Variants in MORF4L1 observed in about 807,000 individuals in gnomAD.
The protein encoded by MORF4L1 is mortality factor 4-like protein 1.
A neutral mutation model predicts 52.9 loss-of-function variants in MORF4L1; 4 were observed. That is an observed-to-expected ratio of 0.08 (90% CI 0.04 to 0.17). The LOEUF is 0.17. MORF4L1 is among the 10% of genes least tolerant of loss of function. The probability of loss-of-function intolerance (pLI) is 1.00; values close to 1 mark genes in which losing one functional copy is unlikely to be tolerated. For synonymous variants in MORF4L1, 123 were observed against 134.8 expected, an observed-to-expected ratio of 0.91 and a Z score of 0.61; for missense variants, 214 against 390.4, an observed-to-expected ratio of 0.55 and a Z score of 3.81.
At chr15:78,878,902 A>G (rs1470323514) in intron 2 of MORF4L1, among the ~76,000 whole-genome samples, 1 of 152,234 alleles carries the variant, frequency 6.6e-6, no homozygotes, top group African/African-American at 2.4e-5. Flanking sequence ...AGCCCGTAAA[A>G]TACAAAACAG....
At chr15:78,881,688 TAATGAAAA>T (rs1567304521) in intron 3 of MORF4L1, among the ~76,000 whole-genome samples, 2 of 152,238 alleles carry the variant, frequency 1.3e-5, no homozygotes, top group African/African-American at 2.4e-5. Flanking sequence ...TTGGTGATTG[TAATGAAAA>T]GACTTGTAAT....
chr15:78,897,362 C>T lies in MORF4L1; in HGVS notation c.*295C>T, dbSNP rs1195569243. ...AAGCTGCTTTTGAATGCTGGTGGTT[C>T]TATTCCTTTGACACTACGCACTTTT... On this transcript the variant is annotated 3_prime_UTR_variant, in exon 12 of 12. Transcript: ENST00000426013. 1 of 270,272 alleles carries T rather than the reference C, an allele frequency of 3.7e-6. No homozygotes were observed. Among genetic ancestry groups the T allele is most frequent in the African/African-American group, 2.2e-5 (1 of 45,662 alleles). The allele number at this position is 270,272 out of a possible 1,614,324, so 16.7% of individuals were successfully genotyped here. A position where few individuals can be genotyped will look rare whatever the true frequency, so the allele number is the denominator to read the frequency against.
intron 5 of MORF4L1, among the ~76,000 whole-genome samples, chr15:78,889,696 A>G (rs1164170511): frequency 1.3e-5 from 2 of 152,228 alleles, no homozygotes; most frequent in Non-Finnish European, 2.9e-5. Flanking sequence ...ACTAACAGAC[A>G]AGAGAAAACC....
chr15:78,891,672 A>G lies in MORF4L1; in HGVS notation c.438+100A>G, dbSNP rs2056804489. 1.2e-5 allele frequency: 11 copies of G among 949,346 alleles called. No homozygotes were observed. The South Asian group carries it at 1.5e-4, about 13-fold the overall frequency. The allele number at this position is 949,346 out of a possible 1,614,324, so 58.8% of individuals were successfully genotyped here. A position where few individuals can be genotyped will look rare whatever the true frequency, so the allele number is the denominator to read the frequency against. On this transcript the variant is annotated intron_variant, in intron 7 of 11. Coordinates refer to ENST00000426013, the MANE Select transcript of MORF4L1 (RefSeq NM_006791.4). ...TTGATTATCTACAAGATTTGCTTAC[A>G]TGGTTAATACCTGAAATTAAAAATT...
chr15:78,891,886 T>C (rs539001637), intron 7 of MORF4L1, among the ~76,000 whole-genome samples: 15 of 152,296 alleles, frequency 9.8e-5, no homozygotes, highest in African/African-American at 3.6e-4. Flanking sequence ...TGGAATAGTT[T>C]TGATATCCAT....
intron 3 of MORF4L1, among the ~76,000 whole-genome samples, chr15:78,882,588 T>C (rs1001784130): frequency 2.0e-5 from 3 of 152,346 alleles, no homozygotes; most frequent in South Asian, 2.1e-4. Context: ...ATTAGACTTA[T>C]ATTTTGTGTG....
chr15:78,884,949 C>T (rs753290843), intron 3 of MORF4L1: 1 of 1,587,702 alleles, frequency 6.3e-7, no homozygotes, highest in Non-Finnish European at 8.6e-7. Context: ...TTACTTTGTA[C>T]TATGCTGTCT....
chr15:78,894,973 T>C (rs981282039), intron 11 of MORF4L1, 69 bp downstream of exon 11: 23 of 1,253,898 alleles, frequency 1.8e-5, no homozygotes, highest in Middle Eastern at 1.9e-4. Context: ...ATTGGCAGTA[T>C]AGATGCTAAA....
intron 1 of MORF4L1, among the ~76,000 whole-genome samples, chr15:78,875,626 A>C (rs932355512): frequency 6.7e-6 from 1 of 150,072 alleles, no homozygotes; most frequent in African/African-American, 2.5e-5. Context: ...GTCTCTACTA[A>C]AAATACAAAA....
chr15:78,894,277 TTC>T (rs1471626511), intron 10 of MORF4L1, 47 bp downstream of exon 10: 4 of 1,467,944 alleles, frequency 2.7e-6, no homozygotes, highest in Non-Finnish European at 3.7e-6. Flanking sequence ...TTGGGGGGTC[TTC>T]TCTAAATGAA....
intron 1 of MORF4L1, among the ~76,000 whole-genome samples, chr15:78,877,377 C>T (rs919005390): frequency 2.6e-5 from 4 of 152,280 alleles, no homozygotes; most frequent in East Asian, 1.9e-4. Context: ...ACCTCGGCCT[C>T]CCTAAGTGAT....
intron 11 of MORF4L1, among the ~76,000 whole-genome samples, chr15:78,896,685 TC>T (rs1166405358): frequency 1.3e-5 from 2 of 152,196 alleles, no homozygotes; most frequent in Non-Finnish European, 2.9e-5. Context: ...AATAACTGTT[TC>T]TTAAAGATGG....
chr15:78,879,218 GCTCCC>G (rs1567301678), intron 2 of MORF4L1, among the ~76,000 whole-genome samples: 1 of 152,080 alleles, frequency 6.6e-6, no homozygotes, highest in South Asian at 2.1e-4. Flanking sequence ...TTATTTTTAT[GCTCCC>G]CGCCCCGCCC....
intron 4 of MORF4L1, 70 bp downstream of exon 4, chr15:78,886,297 A>G: frequency 1.5e-6 from 2 of 1,324,620 alleles, no homozygotes; most frequent in Admixed American, 1.7e-5. Context: ...TGGAATGAAC[A>G]ATGGAGATCA....
intron 11 of MORF4L1, 31 bp from the exon 12 acceptor site, chr15:78,896,952 A>G (rs1234592392): frequency 6.3e-7 from 1 of 1,582,910 alleles, no homozygotes; most frequent in Non-Finnish European, 8.7e-7. Flanking sequence ...ATGACCTTTA[A>G]AAATTTTTGT....
chr15:78,892,461 A>G (rs181629336), intron 8 of MORF4L1, 148 bp downstream of exon 8: 2 of 514,664 alleles, frequency 3.9e-6, no homozygotes, highest in Non-Finnish European at 3.5e-6. Flanking sequence ...AACACTTTAG[A>G]ACTACTACCA....
intron 5 of MORF4L1, among the ~76,000 whole-genome samples, chr15:78,888,912 CTG>C (rs916898426): frequency 5.9e-5 from 9 of 152,066 alleles, no homozygotes; most frequent in Non-Finnish European, 1.0e-4. Context: ...CTTTGGAAAA[CTG>C]TAGTGTAGTA....
chr15:78,886,693 C>T (rs1160281705), intron 4 of MORF4L1, among the ~76,000 whole-genome samples: 2 of 152,166 alleles, frequency 1.3e-5, no homozygotes, highest in Non-Finnish European at 2.9e-5. Flanking sequence ...CAGTGGCTCA[C>T]GCCTGTAATC....
At chr15:78,879,773 C>CAA (rs10664763) in intron 2 of MORF4L1, among the ~76,000 whole-genome samples, 4,914 of 124,596 alleles carry the variant, frequency 0.039, 484 homozygotes, top group East Asian at 0.37. Context: ...CTGTCTCTAC[C>CAA]AAAAAAAAAA....
Sources: allele counts gnomAD v4.1 joint callset (sites outside exome capture counted in the v4.1 genomes callset), GRCh38; gene constraint gnomAD v4.1.1; transcripts MANE v1.5; gene names NCBI Gene and HGNC (gene_info 2026-07-23, HGNC 2026-07-21).